The following SPOCK3 variants were observed in gnomAD, a reference collection of about 807,000 sequenced individuals.
SPOCK3 encodes SPARC (osteonectin), cwcv and kazal like domains proteoglycan 3.
Under a neutral mutation model 56.6 loss-of-function variants are expected in SPOCK3, and 30 were observed. The observed-to-expected ratio is 0.53, with a 90% confidence interval of 0.40 to 0.72. The LOEUF (loss-of-function observed/expected upper bound fraction) is 0.72, where lower values mean the gene tolerates loss of function less well. Among genes scored for constraint, SPOCK3 ranks in the 30% least tolerant of loss-of-function variants. The probability of loss-of-function intolerance (pLI) is 0.00; values close to 1 mark genes in which losing one functional copy is unlikely to be tolerated. For missense variants in SPOCK3, 527 were observed against 530.0 expected (o/e 0.99, Z 0.06); for synonymous variants, 196 against 183.3 (o/e 1.07, Z -0.56).
intron 2 of SPOCK3, among the ~76,000 whole-genome samples, chr4:167,179,185 T>C (rs543597663): frequency 1.3e-5 from 2 of 152,148 alleles, no homozygotes; most frequent in Admixed American, 6.6e-5. Context: ...TGATTAGATA[T>C]TATGTTTCAT....
At chr4:166,955,989 T>A (rs545822617) in intron 4 of SPOCK3, among the ~76,000 whole-genome samples, 141 of 152,234 alleles carry the variant, frequency 9.3e-4, no homozygotes, top group East Asian at 9.6e-4. Flanking sequence ...ATGGCTTTTG[T>A]TCCTGGTACA....
chr4:166,749,501 C>T (rs13114286), intron 8 of SPOCK3, among the ~76,000 whole-genome samples: 119,788 of 151,450 alleles, frequency 0.79, 47,636 homozygotes, highest in South Asian at 0.82. Flanking sequence ...GTGGGGGGAG[C>T]GGGGAGGGAT....
chr4:167,130,528 T>C (rs1328015208), intron 2 of SPOCK3, among the ~76,000 whole-genome samples: 1 of 152,150 alleles, frequency 6.6e-6, no homozygotes, highest in Non-Finnish European at 1.5e-5. Context: ...AATATGTCAT[T>C]TGTGAAAGTT....
chr4:166,778,114 C>T (rs529323918), intron 7 of SPOCK3, among the ~76,000 whole-genome samples: 1 of 152,260 alleles, frequency 6.6e-6, no homozygotes, highest in East Asian at 1.9e-4. Context: ...TAAGAATTGT[C>T]AAGCAATGTC....
intron 4 of SPOCK3, among the ~76,000 whole-genome samples, chr4:166,982,875 A>G (rs1746737809): frequency 6.6e-6 from 1 of 152,172 alleles, no homozygotes; most frequent in Admixed American, 6.5e-5. Context: ...ATTCCCAGGA[A>G]CTAGGAGAGT....
intron 3 of SPOCK3, among the ~76,000 whole-genome samples, chr4:167,013,477 AC>A (rs1339201320): frequency 6.6e-6 from 1 of 151,256 alleles, no homozygotes; most frequent in Non-Finnish European, 1.5e-5. Context: ...AATATTGATC[AC>A]CATATATGTT....
At chr4:166,769,523 T>C (rs1738634317) in intron 7 of SPOCK3, among the ~76,000 whole-genome samples, 1 of 152,202 alleles carries the variant, frequency 6.6e-6, no homozygotes. Context: ...ACAGCAAATG[T>C]TCCTGCCTGA....
At chr4:167,135,000 T>C (rs1220933487) in intron 2 of SPOCK3, among the ~76,000 whole-genome samples, 1 of 151,864 alleles carries the variant, frequency 6.6e-6, no homozygotes, top group Non-Finnish European at 1.5e-5. Context: ...CCAACACTGA[T>C]CTTGACTTTT....
chr4:167,185,394 G>C (rs970927311), intron 2 of SPOCK3, among the ~76,000 whole-genome samples: 9 of 152,122 alleles, frequency 5.9e-5, no homozygotes, highest in Admixed American at 1.3e-4. Flanking sequence ...TCCAAGAGCA[G>C]GTGCCTCATC....
chr4:167,109,294 A>G (rs1255301834), intron 2 of SPOCK3, among the ~76,000 whole-genome samples: 3 of 89,626 alleles, frequency 3.3e-5, no homozygotes, highest in Admixed American at 2.0e-4. Flanking sequence ...TAATTATTAT[A>G]AATAATAATT....
At chr4:166,890,487 C>A (rs909916281) in intron 5 of SPOCK3, among the ~76,000 whole-genome samples, 2 of 151,882 alleles carry the variant, frequency 1.3e-5, no homozygotes, top group South Asian at 2.1e-4. Context: ...CTTAAACAAT[C>A]AAAAATACTA....
At chr4:166,891,582 A>G (rs1734792275) in intron 5 of SPOCK3, among the ~76,000 whole-genome samples, 1 of 151,810 alleles carries the variant, frequency 6.6e-6, no homozygotes, top group South Asian at 2.1e-4. Context: ...TCAAAAATTG[A>G]AAAAAAAGAT....
chr4:167,187,275 T>G (rs1312293964), intron 2 of SPOCK3, among the ~76,000 whole-genome samples: 3 of 151,756 alleles, frequency 2.0e-5, no homozygotes, highest in South Asian at 2.1e-4. Flanking sequence ...TTCCAGTTTT[T>G]TTTTTTTTTT....
chr4:166,809,356 G>A (rs912807672), intron 6 of SPOCK3, among the ~76,000 whole-genome samples: 1 of 151,674 alleles, frequency 6.6e-6, no homozygotes, highest in Non-Finnish European at 1.5e-5. Context: ...TTCCTTTTAT[G>A]GCTTAAGCCA....
chr4:166,753,991 G>T, intron 8 of SPOCK3: 1 of 644,688 alleles, frequency 1.6e-6, no homozygotes, highest in Non-Finnish European at 1.9e-6. Context: ...TTCTGCTAGT[G>T]AATTTTATAA....
chr4:166,747,434 G>A (rs1735782656), intron 8 of SPOCK3, among the ~76,000 whole-genome samples: 1 of 152,054 alleles, frequency 6.6e-6, no homozygotes, highest in South Asian at 2.1e-4. Context: ...AAATTCAACA[G>A]CCCTTCATGC....
At chr4:167,099,202 T>A (rs1025442976) in intron 2 of SPOCK3, among the ~76,000 whole-genome samples, 2 of 152,078 alleles carry the variant, frequency 1.3e-5, no homozygotes, top group Admixed American at 1.3e-4. Flanking sequence ...TGAATCTCGG[T>A]TAATGTATTA....
chr4:166,775,269 C>A (rs1440740051), intron 7 of SPOCK3, among the ~76,000 whole-genome samples: 2 of 152,112 alleles, frequency 1.3e-5, no homozygotes. Context: ...GAGTGGTCTG[C>A]TCACTCACAT....
At chr4:166,976,580 T>TA (rs1290771323) in intron 4 of SPOCK3, among the ~76,000 whole-genome samples, 2 of 152,188 alleles carry the variant, frequency 1.3e-5, no homozygotes, top group African/African-American at 4.8e-5. Flanking sequence ...GGTTCTTCCA[T>TA]ACTCAATGCA....
Sources: gnomAD v4.1 joint callset for allele counts (sites outside exome capture counted in the v4.1 genomes callset) on GRCh38, gnomAD v4.1.1 for gene constraint, MANE v1.5 for transcripts, NCBI Gene and HGNC (gene_info 2026-07-23, HGNC 2026-07-21) for gene names.